The following ARMH4 variants were observed in gnomAD, a reference collection of about 807,000 sequenced individuals.
The protein encoded by ARMH4 is armadillo like helical domain containing 4, also known as armadillo-like helical domain-containing protein 4.
Under a neutral mutation model 61.9 loss-of-function variants are expected in ARMH4, and 49 were observed. The ratio of observed to expected loss-of-function variants is 0.79; its 90% CI spans 0.63 to 1.00. The LOEUF is 1.00. ARMH4 is among the 50% of genes least tolerant of loss of function. The probability of loss-of-function intolerance (pLI) is 0.00; values close to 1 mark genes in which losing one functional copy is unlikely to be tolerated. For missense variants in ARMH4, 934 were observed against 930.0 expected (o/e 1.00, Z -0.06); for synonymous variants, 368 against 341.5 (o/e 1.08, Z -0.85).
At position 58,068,267 on chromosome 14, in the gene ARMH4, T is replaced by C. The variant is rs559319573; in HGVS notation, c.2089+28457A>G. Among the ~76,000 whole-genome samples, 15 of 152,196 alleles carry C rather than the reference T, an allele frequency of 9.9e-5. No individual in the cohort carries two copies. The East Asian group carries it at 2.7e-3, about 27-fold the overall frequency. ...CCTCCAAAAAAGCTTTAGTTGCTGA[T>C]GCTGATGTTTCTGCACTAAAGGAAG... On this transcript the variant is annotated intron_variant, in intron 5 of 7. Coordinates refer to ENST00000267485, the MANE Select transcript of ARMH4 (RefSeq NM_001001872.4).
chr14:58,088,436 C>G (rs1885449552), intron 5 of ARMH4, among the ~76,000 whole-genome samples: 1 of 151,440 alleles, frequency 6.6e-6, no homozygotes, highest in Admixed American at 6.6e-5. Flanking sequence ...ACTCTAGCAC[C>G]AGGGTGTCTT....
intron 1 of ARMH4, among the ~76,000 whole-genome samples, chr14:58,145,354 C>T (rs1887703760): frequency 6.6e-6 from 1 of 152,182 alleles, no homozygotes; most frequent in Non-Finnish European, 1.5e-5. Flanking sequence ...TCATACCTCA[C>T]CTATATGACA....
At chr14:58,045,930 A>G (rs1345507970) in intron 5 of ARMH4, among the ~76,000 whole-genome samples, 1 of 152,144 alleles carries the variant, frequency 6.6e-6, no homozygotes, top group Non-Finnish European at 1.5e-5. Context: ...GTCAAGAAAC[A>G]CCAAGTATCA....
chr14:58,072,154 T>C (rs1300585090), intron 5 of ARMH4, among the ~76,000 whole-genome samples: 2 of 152,222 alleles, frequency 1.3e-5, no homozygotes, highest in African/African-American at 2.4e-5. Context: ...CACTACTGTT[T>C]ATCATTGTAA....
intron 5 of ARMH4, among the ~76,000 whole-genome samples, chr14:58,014,591 C>T (rs1882533304): frequency 6.6e-6 from 1 of 152,088 alleles, no homozygotes; most frequent in South Asian, 2.1e-4. Context: ...TTTGTAAATA[C>T]GTCTCATTTA....
In ARMH4 at chr14:58,152,144, C is replaced by G. The variant is rs1434394636; in HGVS notation, c.-126G>C. 6.1e-6 allele frequency: 1 copy of G among 162,604 alleles called. No homozygotes were observed. Among genetic ancestry groups the G allele is most frequent in the Non-Finnish European group, 1.3e-5 (1 of 76,456 alleles). 10.1% of individuals were successfully genotyped at this position (162,604 alleles called of 1,614,324 possible). ...GCGGCGCGGGCGCTCGGCATCCCAG[C>G]GGCGGGCCCTGCGGCGGCGGCGGCG... On this transcript the variant is annotated 5_prime_UTR_variant, in exon 1 of 8. Transcript: ENST00000267485.
Position 58,001,511 on chromosome 14 carries a change from AT to A in ARMH4, c.*3224del, listed in dbSNP as rs1257844759. 1 of 152,186 alleles carries A rather than the reference AT, an allele frequency of 6.6e-6. No homozygotes were observed. The highest frequency in any genetic ancestry group is 1.5e-5 in the Non-Finnish European group (1 of 68,030). 9.4% of individuals were successfully genotyped at this position (152,186 alleles called of 1,614,324 possible). A position where few individuals can be genotyped will look rare whatever the true frequency, so the allele number is the denominator to read the frequency against. On this transcript the variant is annotated 3_prime_UTR_variant, in exon 8 of 8. Transcript: ENST00000267485. Reference sequence around the variant, plus strand: ...TTTCCACAGTGGCTATCCATTTTACATTCCCACCCACAGTATACAAGGATTC... The same window carrying A: ...TTTCCACAGTGGCTATCCATTTTACATCCCACCCACAGTATACAAGGATTC...
At chr14:58,071,824 A>G (rs1884891582) in intron 5 of ARMH4, among the ~76,000 whole-genome samples, 1 of 152,216 alleles carries the variant, frequency 6.6e-6, no homozygotes, top group Non-Finnish European at 1.5e-5. Context: ...AGGAGGAAGG[A>G]TATTCTTTAT....
At chr14:58,045,676 G>T (rs188580996) in intron 5 of ARMH4, among the ~76,000 whole-genome samples, 1 of 151,998 alleles carries the variant, frequency 6.6e-6, no homozygotes, top group Admixed American at 6.5e-5. Flanking sequence ...TATGTTGATG[G>T]CTTAACCCTC....
rs17094251 is a variant in ARMH4, at chr14:58,028,445, T to A, written c.2090-16295A>T. Among the ~76,000 whole-genome samples, 675 of 152,268 alleles carry A rather than the reference T, an allele frequency of 4.4e-3. 5 individuals carry two copies. Among genetic ancestry groups the A allele is most frequent in the African/African-American group, 0.015 (608 of 41,556 alleles). On this transcript the variant is annotated intron_variant, in intron 5 of 7. Transcript: ENST00000267485. ...CAAGGCTGGGGCTTCATGTCTTTTA[T>A]TCTCTCTCACTCAGAGCCTCAGAAA...
At chr14:58,101,617 T>C (rs1322812933) in intron 4 of ARMH4, 1 of 151,922 alleles carries the variant, frequency 6.6e-6, no homozygotes, top group Non-Finnish European at 1.5e-5. Context: ...TAGGTAAAAA[T>C]GACATTTCTA....
intron 5 of ARMH4, among the ~76,000 whole-genome samples, chr14:58,021,684 C>A (rs537848365): frequency 6.6e-6 from 1 of 152,144 alleles, no homozygotes; most frequent in East Asian, 1.9e-4. Flanking sequence ...ATCCTGGTTC[C>A]CCAACATTTA....
chr14:58,120,593 CAGG>C (rs1173430123), intron 4 of ARMH4, among the ~76,000 whole-genome samples: 1 of 152,118 alleles, frequency 6.6e-6, no homozygotes, highest in Non-Finnish European at 1.5e-5. Context: ...ACACAGCCCG[CAGG>C]AGGTTGTGAG....
At chr14:58,119,028 A>T (rs1472181382) in intron 4 of ARMH4, among the ~76,000 whole-genome samples, 1 of 152,214 alleles carries the variant, frequency 6.6e-6, no homozygotes, top group Admixed American at 6.5e-5. Flanking sequence ...AAATTTCTGT[A>T]GACTATTGTG....
intron 5 of ARMH4, among the ~76,000 whole-genome samples, chr14:58,072,755 C>T (rs1450890891): frequency 6.6e-6 from 1 of 151,876 alleles, no homozygotes; most frequent in Admixed American, 6.6e-5. Context: ...CCAGAGCGTT[C>T]CTTTTTAGTT....
In ARMH4 at chr14:58,005,060, C is replaced by T. The variant is rs2141122661; in HGVS notation, c.2244G>A (p.Arg748=). ...MNRRRRNGFK[R]HKRKQREFNS... ...GTTGGTTCCATACCTTTCTTTTATG[C>T]CTTTTGAAGCCATTTCTCCTTCGGC... The change falls in exon 7 of 8, where the codon AGG becomes AGA. Residue 748 remains arginine, a synonymous_variant. Transcript: ENST00000267485. 6.2e-7 allele frequency: 1 copy of T among 1,613,900 alleles called. No individual in the cohort carries two copies. Among genetic ancestry groups the T allele is most frequent in the African/African-American group, 1.3e-5 (1 of 74,988 alleles).
At position 58,138,914 on chromosome 14, in the gene ARMH4, T is replaced by C. The variant is rs796643019; in HGVS notation, c.445A>G (p.Ile149Val). 2 of 1,614,108 alleles carry C rather than the reference T, an allele frequency of 1.2e-6. No individual in the cohort carries two copies. The highest frequency in any genetic ancestry group is 1.7e-6 in the Non-Finnish European group (2 of 1,180,040). ...GLAKAMLTIA[I>V]TATPSLTVDE... Reference sequence around the variant, plus strand: ...ACAGTCAGAGAAGGAGTCGCAGTGATAGCAATGGTTAACATGGCCTTGGCA... The same window carrying C: ...ACAGTCAGAGAAGGAGTCGCAGTGACAGCAATGGTTAACATGGCCTTGGCA... Residue 149 changes from isoleucine (I) to valine (V), a missense_variant, in exon 2 of 8, where the codon ATC becomes GTC. Physicochemically the swap from Ile to Val is conservative, Grantham distance 29. Coordinates refer to ENST00000267485, the MANE Select transcript of ARMH4 (RefSeq NM_001001872.4).
intron 4 of ARMH4, among the ~76,000 whole-genome samples, chr14:58,107,249 C>T (rs573990805): frequency 1.4e-4 from 22 of 152,242 alleles, no homozygotes; most frequent in East Asian, 5.8e-4. Context: ...CCAACAATGA[C>T]GGCAGGAAGA....
Position 58,012,166 on chromosome 14 carries a change from G to C in ARMH4, c.2090-16C>G, listed in dbSNP as rs770992308. 1 of 1,342,436 alleles carries C rather than the reference G, an allele frequency of 7.4e-7. No homozygotes were observed. The highest frequency in any genetic ancestry group is 1.3e-5 in the South Asian group (1 of 76,404). The allele number at this position is 1,342,436 out of a possible 1,614,324, so 83.2% of individuals were successfully genotyped here. Reference sequence around the variant, plus strand: ...CAGCTTCTCACTAGGAAAAAAATAAGATAATAAAATGAAATAACCATCTTT... The same window carrying C: ...CAGCTTCTCACTAGGAAAAAAATAACATAATAAAATGAAATAACCATCTTT... On this transcript the variant is annotated splice_polypyrimidine_tract_variant and intron_variant, in intron 5 of 7. Transcript: ENST00000267485.
Sources: gnomAD v4.1 joint callset for allele counts (sites outside exome capture counted in the v4.1 genomes callset) on GRCh38, gnomAD v4.1.1 for gene constraint, MANE v1.5 for transcripts, NCBI Gene and HGNC (gene_info 2026-07-23, HGNC 2026-07-21) for gene names.